Variants in SLC2A13 observed in about 807,000 individuals in gnomAD.
The protein encoded by SLC2A13 is solute carrier family 2 member 13.
Under a neutral mutation model 64.4 loss-of-function variants are expected in SLC2A13, and 32 were observed. The observed-to-expected ratio is 0.50, with a 90% confidence interval of 0.37 to 0.67. The LOEUF (loss-of-function observed/expected upper bound fraction) is 0.67, where lower values mean the gene tolerates loss of function less well. SLC2A13 is among the 30% of genes least tolerant of loss of function. SLC2A13 has a pLI of 0.00. For synonymous variants in SLC2A13, 338 were observed against 327.1 expected (o/e 1.03, Z -0.36); for missense variants, 743 against 829.2 (o/e 0.90, Z 1.28).
chr12:39,838,687 C>A (rs1219334781), intron 6 of SLC2A13, among the ~76,000 whole-genome samples: 2 of 151,964 alleles, frequency 1.3e-5, no homozygotes, highest in Non-Finnish European at 2.9e-5. Context: ...TATTTTCATT[C>A]AATCAATCGT....
chr12:39,898,794 T>C (rs1944998567), intron 4 of SLC2A13, among the ~76,000 whole-genome samples: 1 of 152,152 alleles, frequency 6.6e-6, no homozygotes. Flanking sequence ...TCTCACAGCA[T>C]GAACAAATTA....
intron 1 of SLC2A13, among the ~76,000 whole-genome samples, chr12:40,074,166 ATTTTTT>A (rs34071336): frequency 8.2e-6 from 1 of 121,856 alleles, no homozygotes; most frequent in Admixed American, 8.2e-5. Flanking sequence ...CATCAAAGAC[ATTTTTT>A]TTTTTTTTTT....
chr12:40,089,109 G>GA (rs1269831759), intron 1 of SLC2A13, among the ~76,000 whole-genome samples: 1 of 152,182 alleles, frequency 6.6e-6, no homozygotes, highest in Non-Finnish European at 1.5e-5. Flanking sequence ...ATGGCAGAAT[G>GA]AATCACTGAA....
At chr12:39,940,657 G>A (rs925273383) in intron 4 of SLC2A13, among the ~76,000 whole-genome samples, 15 of 151,028 alleles carry the variant, frequency 9.9e-5, no homozygotes, top group Non-Finnish European at 5.9e-5. Context: ...TTTTTTTTTA[G>A]CACACAAAAA....
chr12:40,085,203 C>T (rs938687687), intron 1 of SLC2A13, among the ~76,000 whole-genome samples: 2 of 152,112 alleles, frequency 1.3e-5, no homozygotes, highest in African/African-American at 4.8e-5. Flanking sequence ...CAAGTCTTGC[C>T]CTATGTATCT....
intron 3 of SLC2A13, among the ~76,000 whole-genome samples, chr12:40,016,859 G>A (rs895025116): frequency 3.9e-5 from 6 of 151,990 alleles, no homozygotes; most frequent in African/African-American, 1.4e-4. Context: ...TTTTTTCGAT[G>A]GGCCCAACAT....
chr12:39,993,132 T>C (rs1157902007), intron 3 of SLC2A13, among the ~76,000 whole-genome samples: 1 of 152,234 alleles, frequency 6.6e-6, no homozygotes, highest in East Asian at 1.9e-4. Context: ...AGGAATAATA[T>C]TGTAATAAAG....
intron 7 of SLC2A13, among the ~76,000 whole-genome samples, chr12:39,824,541 T>C (rs887076899): frequency 6.6e-6 from 1 of 152,172 alleles, no homozygotes; most frequent in Non-Finnish European, 1.5e-5. Context: ...GAGGTTAAGC[T>C]AGTCTTGTAA....
chr12:40,030,133 T>C (rs572571916), intron 2 of SLC2A13, among the ~76,000 whole-genome samples: 1 of 152,340 alleles, frequency 6.6e-6, no homozygotes, highest in South Asian at 2.1e-4. Context: ...TGGATTTATA[T>C]GACAATATCT....
intron 4 of SLC2A13, among the ~76,000 whole-genome samples, chr12:39,915,999 C>T (rs1306885482): frequency 6.6e-6 from 1 of 151,700 alleles, no homozygotes; most frequent in East Asian, 1.9e-4. Context: ...CTCCTATTTC[C>T]AAGAATTTAA....
intron 7 of SLC2A13, among the ~76,000 whole-genome samples, chr12:39,786,368 T>TCTC (rs1941185762): frequency 1.6e-4 from 1 of 6,294 alleles, no homozygotes; most frequent in Non-Finnish European, 3.6e-4. Context: ...GTCTTTCATC[T>TCTC]CCCACCATGA....
chr12:40,021,828 G>A (rs1219624060), intron 3 of SLC2A13, among the ~76,000 whole-genome samples: 3 of 152,148 alleles, frequency 2.0e-5, no homozygotes. Context: ...ATTGCAACGA[G>A]TATTTGACTG....
At chr12:40,058,087 A>ATT (rs1948362713) in intron 1 of SLC2A13, among the ~76,000 whole-genome samples, 4 of 138,986 alleles carry the variant, frequency 2.9e-5, no homozygotes, top group Admixed American at 7.3e-5. Flanking sequence ...ATAGATAGAT[A>ATT]GATTGATTTA....
intron 2 of SLC2A13, among the ~76,000 whole-genome samples, chr12:40,037,889 A>G (rs1948017388): frequency 6.6e-6 from 1 of 152,068 alleles, no homozygotes; most frequent in African/African-American, 2.4e-5. Flanking sequence ...GCCCTCTTTT[A>G]TTCCTGATAT....
chr12:40,042,959 GA>G (rs58322891), intron 2 of SLC2A13, among the ~76,000 whole-genome samples: 27,706 of 111,330 alleles, frequency 0.25, 2,935 homozygotes, highest in Middle Eastern at 0.36. Flanking sequence ...GCATAAGAAT[GA>G]AAAAAAAAAA....
intron 3 of SLC2A13, among the ~76,000 whole-genome samples, chr12:39,960,767 A>C (rs1239624929): frequency 1.5e-5 from 1 of 68,086 alleles, no homozygotes; most frequent in Non-Finnish European, 4.2e-5. Flanking sequence ...TTTTTTTTCA[A>C]GACAGAGTCT....
chr12:39,781,880 G>C (rs1198372756), intron 7 of SLC2A13, among the ~76,000 whole-genome samples: 1 of 152,228 alleles, frequency 6.6e-6, no homozygotes, highest in East Asian at 1.9e-4. Flanking sequence ...ACATTTGCCT[G>C]TACTTGCAGA....
chr12:39,975,505 G>T (rs962785721), intron 3 of SLC2A13, among the ~76,000 whole-genome samples: 2 of 152,158 alleles, frequency 1.3e-5, no homozygotes, highest in African/African-American at 4.8e-5. Context: ...CCACTAAAAG[G>T]TAGTAGACAT....
At chr12:40,070,261 T>C (rs151211654) in intron 1 of SLC2A13, among the ~76,000 whole-genome samples, 397 of 151,996 alleles carry the variant, frequency 2.6e-3, no homozygotes, top group African/African-American at 9.2e-3. Context: ...GGTAGATTTC[T>C]CTATACACTG....
Sources: gnomAD v4.1 joint callset for allele counts (sites outside exome capture counted in the v4.1 genomes callset) on GRCh38, gnomAD v4.1.1 for gene constraint, MANE v1.5 for transcripts, NCBI Gene and HGNC (gene_info 2026-07-23, HGNC 2026-07-21) for gene names.